TLN2: variants seen among roughly 807,000 people sequenced by gnomAD.
The protein encoded by TLN2 is talin-2.
Under a neutral mutation model 294.7 loss-of-function variants are expected in TLN2, and 118 were observed. That is an observed-to-expected ratio of 0.40 (90% CI 0.34 to 0.47). The LOEUF (loss-of-function observed/expected upper bound fraction) is 0.47. Ranked by LOEUF, TLN2 falls within the 20% of genes least tolerant of loss-of-function variation. The probability of loss-of-function intolerance (pLI) is 0.84; values close to 1 mark genes in which losing one functional copy is unlikely to be tolerated. For synonymous variants in TLN2, 1,431 were observed against 1,304.5 expected, an observed-to-expected ratio of 1.10 and a Z score of -2.09; for missense variants, 3,083 against 3,282.2, an observed-to-expected ratio of 0.94 and a Z score of 1.48.
At chr15:62,425,490 A>G (rs897121574) in intron 1 of TLN2, among the ~76,000 whole-genome samples, 2 of 152,150 alleles carry the variant, frequency 1.3e-5, no homozygotes, top group East Asian at 1.9e-4. Flanking sequence ...TCATAAGACA[A>G]AGGCTTCTTA....
chr15:62,640,468 C>T lies in TLN2; in HGVS notation c.-36-6807C>T, dbSNP rs183377277. The T allele has an allele frequency of 2.0e-3, 846 of 416,172 alleles. 6 individuals are homozygous for T. Among genetic ancestry groups the T allele is most frequent in the Admixed American group, 6.3e-3 (240 of 38,322 alleles). The allele number at this position is 416,172 out of a possible 1,614,324, so 25.8% of individuals were successfully genotyped here. The stretch of plus-strand genomic sequence containing the variant: ...TGGCCCTCTGGTCTTGCCAGGTGGG[C>T]ACAAACCCCTGCTTTACACAGGAGT... On this transcript the variant is annotated intron_variant, in intron 3 of 58. Transcript: ENST00000636159.
intron 1 of TLN2, among the ~76,000 whole-genome samples, chr15:62,405,510 A>G (rs1037420121): frequency 6.6e-6 from 1 of 152,210 alleles, no homozygotes; most frequent in African/African-American, 2.4e-5. Flanking sequence ...TGCATACAGA[A>G]AGGGCTTTTT....
At chr15:62,832,595 T>A (rs1424380324) in intron 54 of TLN2, 1 of 152,210 alleles carries the variant, frequency 6.6e-6, no homozygotes, top group Non-Finnish European at 1.5e-5. Flanking sequence ...ACCCTAATGG[T>A]CTGATAACAC....
chr15:62,668,786 G>T (rs1660815621), intron 9 of TLN2, among the ~76,000 whole-genome samples: 1 of 152,198 alleles, frequency 6.6e-6, no homozygotes, highest in South Asian at 2.1e-4. Context: ...TAATCTGCTG[G>T]TGCTTGTAAA....
chr15:62,422,106 C>T (rs891076852), intron 1 of TLN2, among the ~76,000 whole-genome samples: 2 of 150,228 alleles, frequency 1.3e-5, no homozygotes, highest in African/African-American at 4.9e-5. Flanking sequence ...ACTAAAAATA[C>T]AAAATTAGCC....
At chr15:62,534,100 A>T (rs1206351193) in intron 1 of TLN2, among the ~76,000 whole-genome samples, 1 of 151,516 alleles carries the variant, frequency 6.6e-6, no homozygotes, top group Non-Finnish European at 1.5e-5. Flanking sequence ...TTTCCAACAG[A>T]CTCCCAGGTC....
chr15:62,840,117 C>G (rs929166088), intron 58 of TLN2, among the ~76,000 whole-genome samples: 1 of 152,324 alleles, frequency 6.6e-6, no homozygotes, highest in Middle Eastern at 3.4e-3. Context: ...CTACATTGCT[C>G]AGCTTCAGAT....
At chr15:62,620,837 C>CTTTTTTTTTTT (rs71129016) in intron 3 of TLN2, among the ~76,000 whole-genome samples, 1 of 66,416 alleles carries the variant, frequency 1.5e-5, no homozygotes, top group Non-Finnish European at 2.9e-5. Context: ...CTTTCTTTTT[C>CTTTTTTTTTTT]TTTTTTTTTT....
intron 1 of TLN2, among the ~76,000 whole-genome samples, chr15:62,446,654 T>C (rs2035837827): frequency 8.1e-6 from 1 of 124,088 alleles, no homozygotes; most frequent in Non-Finnish European, 1.7e-5. Context: ...CTTTACCTGA[T>C]CGCTGTGATT....
intron 1 of TLN2, among the ~76,000 whole-genome samples, chr15:62,494,692 A>G (rs1054871178): frequency 2.0e-5 from 3 of 152,152 alleles, no homozygotes; most frequent in South Asian, 4.1e-4. Flanking sequence ...TTCCAGCTCT[A>G]TAAGTCAAGG....
rs769770946 is a variant in TLN2, at chr15:62,597,264, G to C, written c.-162+7502G>C. ...TGTTCTTCAATCTCACTCAGTAAAG[G>C]CTTCCATGATTTTATCTCTAGATTC... On this transcript the variant is annotated intron_variant, in intron 2 of 58. Transcript: ENST00000636159. Among the ~76,000 whole-genome samples the C allele has an allele frequency of 2.2e-4, 34 of 152,100 alleles. 1 individual carries two copies. The highest frequency in any genetic ancestry group is 7.2e-4 in the Admixed American group (11 of 15,270).
At chr15:62,734,272 A>G (rs2060884956) in intron 28 of TLN2, among the ~76,000 whole-genome samples, 1 of 152,236 alleles carries the variant, frequency 6.6e-6, no homozygotes, top group Non-Finnish European at 1.5e-5. Context: ...AAACTTACAT[A>G]TGACTCAAAT....
rs74758631 is a variant in TLN2 at position 62,535,350 on chromosome 15, T to G, written c.-237-54337T>G. Among the ~76,000 whole-genome samples the G allele has an allele frequency of 7.2e-3, 1,101 of 152,010 alleles. 34 individuals carry two copies. Among genetic ancestry groups the G allele is most frequent in the Admixed American group, 0.041 (622 of 15,242 alleles). On this transcript the variant is annotated intron_variant, in intron 1 of 58. Coordinates refer to ENST00000636159, the MANE Select transcript of TLN2 (RefSeq NM_015059.3). ...TGCGTCAGGATTTTTAAAACCTCCC[T>G]AGGTGATCTATGGCAGTGGTGTGGT...
At chr15:62,751,032 A>G (rs2061909674) in intron 34 of TLN2, among the ~76,000 whole-genome samples, 1 of 152,098 alleles carries the variant, frequency 6.6e-6, no homozygotes, top group Non-Finnish European at 1.5e-5. Flanking sequence ...AAAAATTAAG[A>G]TAATATAATG....
chr15:62,631,102 C>T (rs769573829), intron 3 of TLN2, among the ~76,000 whole-genome samples: 1 of 152,046 alleles, frequency 6.6e-6, no homozygotes, highest in Admixed American at 6.6e-5. Flanking sequence ...ACCAAAGGAT[C>T]CCCAAAAGCA....
chr15:62,448,034 T>A (rs2035918169), intron 1 of TLN2, among the ~76,000 whole-genome samples: 1 of 152,120 alleles, frequency 6.6e-6, no homozygotes, highest in Non-Finnish European at 1.5e-5. Context: ...TGATGCAGAA[T>A]CCTCCCAGGA....
At chr15:62,821,861 G>A (rs1269126980) in intron 54 of TLN2, among the ~76,000 whole-genome samples, 3 of 152,144 alleles carry the variant, frequency 2.0e-5, no homozygotes, top group South Asian at 2.1e-4. Context: ...CAAGTTAATC[G>A]TGAATGAAAA....
intron 1 of TLN2, among the ~76,000 whole-genome samples, chr15:62,476,650 G>A (rs975131168): frequency 1.3e-5 from 2 of 152,204 alleles, no homozygotes; most frequent in East Asian, 1.9e-4. Context: ...CATCACCAGA[G>A]CCAAACCTAC....
chr15:62,590,532 G>A (rs1309689695), intron 2 of TLN2, among the ~76,000 whole-genome samples: 1 of 152,126 alleles, frequency 6.6e-6, no homozygotes, highest in African/African-American at 2.4e-5. Context: ...ATCCCACGGT[G>A]TATATGTACC....
Sources: gnomAD v4.1 joint callset for allele counts (sites outside exome capture counted in the v4.1 genomes callset) on GRCh38, gnomAD v4.1.1 for gene constraint, MANE v1.5 for transcripts, NCBI Gene and HGNC (gene_info 2026-07-23, HGNC 2026-07-21) for gene names.